Variants in SCARA5 observed in about 807,000 individuals in gnomAD.
SCARA5 encodes scavenger receptor class A, member 5 (putative).
SCARA5 carries 45 observed loss-of-function variants against 46.3 expected under a neutral mutation model. That is an observed-to-expected ratio of 0.97 (90% confidence interval 0.76 to 1.24). The LOEUF is 1.24. SCARA5 is among the 50% of genes most tolerant of loss of function. The pLI is 0.00. For missense variants in SCARA5, 680 were observed against 689.0 expected (o/e 0.99, Z 0.15); for synonymous variants, 333 against 306.5 (o/e 1.09, Z -0.90).
At chr8:27,875,524 C>G (rs944701599) in intron 8 of SCARA5, among the ~76,000 whole-genome samples, 1 of 152,066 alleles carries the variant, frequency 6.6e-6, no homozygotes, top group Non-Finnish European at 1.5e-5. Flanking sequence ...AGTAGGAATT[C>G]CCTAGCTGAA....
chr8:27,875,083 G>A (rs564679048), intron 8 of SCARA5, among the ~76,000 whole-genome samples: 1 of 152,276 alleles, frequency 6.6e-6, no homozygotes, highest in Non-Finnish European at 1.5e-5. Flanking sequence ...GAGACAGGGA[G>A]GACTCAGGTT....
chr8:27,977,851 G>T (rs1237107508), intron 2 of SCARA5, among the ~76,000 whole-genome samples: 1 of 152,216 alleles, frequency 6.6e-6, no homozygotes, highest in Admixed American at 6.5e-5. Context: ...CCCAAGCAGG[G>T]ATGGGCTCCG....
At chr8:27,941,353 A>G (rs1359725165) in intron 3 of SCARA5, among the ~76,000 whole-genome samples, 2 of 152,208 alleles carry the variant, frequency 1.3e-5, no homozygotes, top group African/African-American at 2.4e-5. Flanking sequence ...ACTACCCGCT[A>G]TGCTGATACA....
intron 7 of SCARA5, among the ~76,000 whole-genome samples, chr8:27,902,996 G>A (rs935914720): frequency 6.6e-6 from 1 of 152,202 alleles, no homozygotes; most frequent in African/African-American, 2.4e-5. Context: ...TCACTTTCAA[G>A]GACAAGGTGC....
chr8:27,885,163 G>A (rs546262287), intron 7 of SCARA5, among the ~76,000 whole-genome samples: 7 of 152,286 alleles, frequency 4.6e-5, no homozygotes, highest in Admixed American at 4.6e-4. Context: ...TACTGTCTTG[G>A]ACAAGTGAAC....
chr8:27,971,539 G>C (rs1402017394), intron 2 of SCARA5, among the ~76,000 whole-genome samples: 2 of 152,188 alleles, frequency 1.3e-5, no homozygotes, highest in Non-Finnish European at 2.9e-5. Flanking sequence ...CACAAGACCA[G>C]AGCGCTGGAG....
intron 7 of SCARA5, among the ~76,000 whole-genome samples, chr8:27,901,021 G>C (rs1431981730): frequency 6.6e-6 from 1 of 152,080 alleles, no homozygotes; most frequent in African/African-American, 2.4e-5. Context: ...TTGGGCGAGA[G>C]AGAGGAATGG....
intron 2 of SCARA5, among the ~76,000 whole-genome samples, 164 bp from the exon 3 acceptor site, chr8:27,966,706 C>A (rs1021340904): frequency 3.3e-5 from 5 of 152,194 alleles, no homozygotes; most frequent in African/African-American, 1.2e-4. Context: ...GGGGAGCTTT[C>A]CAGGACCATC....
chr8:27,950,948 A>C (rs558571305), intron 3 of SCARA5, among the ~76,000 whole-genome samples: 61 of 151,482 alleles, frequency 4.0e-4, no homozygotes, highest in Non-Finnish European at 6.9e-4. Flanking sequence ...CTGCTGTTAT[A>C]GTACCATACA....
chr8:27,941,520 T>C (rs1055486217), intron 3 of SCARA5, among the ~76,000 whole-genome samples: 1 of 152,144 alleles, frequency 6.6e-6, no homozygotes, highest in African/African-American at 2.4e-5. Context: ...CTTTGTGTTA[T>C]GCAGATATTA....
chr8:27,984,212 A>T (rs1020127567), intron 2 of SCARA5, among the ~76,000 whole-genome samples: 4 of 152,164 alleles, frequency 2.6e-5, no homozygotes, highest in Non-Finnish European at 5.9e-5. Flanking sequence ...AACAGATCAA[A>T]TCTGGCTTGA....
Position 27,916,996 on chromosome 8 carries a change from CCCA to C in SCARA5, c.916+4572_916+4574del, listed in dbSNP as rs1165821935. ...GACTCCAGGGAGCTGCCCCATCCCT[CCCA>C]CCAAGTGAGGACACAGCAAGAAGTC... On this transcript the variant is annotated intron_variant, in intron 4 of 8. Transcript: ENST00000354914. Among the ~76,000 whole-genome samples, 112 of 152,312 alleles carry C rather than the reference CCCA, an allele frequency of 7.4e-4. 2 individuals carry two copies. Among genetic ancestry groups the C allele is most frequent in the African/African-American group, 2.5e-3 (103 of 41,554 alleles).
rs1183161447 is a variant in SCARA5, at chr8:27,879,664, T to A, written c.1256A>T (p.Asp419Val). 1 of 1,612,914 alleles carries A rather than the reference T, an allele frequency of 6.2e-7. No homozygotes were observed. The highest frequency in any genetic ancestry group is 1.7e-5 in the Admixed American group (1 of 60,002). Residue 419 changes from aspartate (D) to valine (V), a missense_variant, in exon 8 of 9, where the codon GAC becomes GTC. Coordinates refer to ENST00000354914, the MANE Select transcript of SCARA5 (RefSeq NM_173833.6). ...TCCGTCCTTCTTGTCCCAGCCGTCG[T>A]CACACACGGTGCCCCAACGCCGGTC... Reference protein sequence around the residue: ...YHDRRWGTVCDDGWDKKDGDV... With the variant: ...YHDRRWGTVCVDGWDKKDGDV...
At chr8:27,936,202 G>A (rs919389858) in intron 3 of SCARA5, among the ~76,000 whole-genome samples, 1 of 152,090 alleles carries the variant, frequency 6.6e-6, no homozygotes, top group African/African-American at 2.4e-5. Flanking sequence ...AGACTCATCC[G>A]CTGGGGGCTC....
At chr8:27,955,825 G>A (rs746791916) in intron 3 of SCARA5, among the ~76,000 whole-genome samples, 1 of 152,184 alleles carries the variant, frequency 6.6e-6, no homozygotes, top group Non-Finnish European at 1.5e-5. Context: ...GCAACTCTAT[G>A]TGTCGACGAC....
At position 27,891,670 on chromosome 8, in the gene SCARA5, G is replaced by A. The variant is rs1806986611; in HGVS notation, c.1154-11904C>T. Among the ~76,000 whole-genome samples, 3 of 152,232 alleles carry A rather than the reference G, an allele frequency of 2.0e-5. No homozygotes were observed. The South Asian group carries it at 6.2e-4, about 31-fold the overall frequency. ...CCCCGTGGGATGCAGAAGCCTCACTGTGATAAGCACCAGTTATCAAACCCA... is the reference window on the plus strand; with the variant it reads ...CCCCGTGGGATGCAGAAGCCTCACTATGATAAGCACCAGTTATCAAACCCA... On this transcript the variant is annotated intron_variant, in intron 7 of 8. Coordinates refer to ENST00000354914, the MANE Select transcript of SCARA5 (RefSeq NM_173833.6).
intron 3 of SCARA5, among the ~76,000 whole-genome samples, chr8:27,949,181 G>T (rs1054988172): frequency 6.6e-6 from 1 of 152,256 alleles, no homozygotes; most frequent in Non-Finnish European, 1.5e-5. Context: ...AGCCCACGTG[G>T]CTCAGAGCTT....
chr8:27,944,705 G>GAAA (rs11368469), intron 3 of SCARA5, among the ~76,000 whole-genome samples: 1,931 of 138,948 alleles, frequency 0.014, 58 homozygotes, highest in African/African-American at 0.049. Flanking sequence ...TGTAAAAATA[G>GAAA]AAAAAAAAAA....
chr8:27,874,915 C>T (rs144530532), intron 8 of SCARA5, among the ~76,000 whole-genome samples: 113 of 152,304 alleles, frequency 7.4e-4, no homozygotes, highest in African/African-American at 2.5e-3. Context: ...TGCATCACTC[C>T]AGCACCTCCT....
Sources: allele counts gnomAD v4.1 joint callset (sites outside exome capture counted in the v4.1 genomes callset), GRCh38; gene constraint gnomAD v4.1.1; transcripts MANE v1.5; gene names NCBI Gene and HGNC (gene_info 2026-07-23, HGNC 2026-07-21).